The following COL19A1 variants were observed in gnomAD, a reference collection of about 807,000 sequenced individuals.
COL19A1 encodes collagen alpha-1(XIX) chain.
COL19A1 carries 159 observed loss-of-function variants against 190.2 expected under a neutral mutation model. That is an observed-to-expected ratio of 0.84 (90% confidence interval 0.73 to 0.95). The LOEUF (loss-of-function observed/expected upper bound fraction) is 0.95, where lower values mean the gene tolerates loss of function less well. Ranked by LOEUF, COL19A1 falls within the 40% of genes least tolerant of loss-of-function variation. The probability of loss-of-function intolerance (pLI) is 0.00; values close to 1 mark genes in which losing one functional copy is unlikely to be tolerated. For missense variants in COL19A1, 1,418 were observed against 1,431.9 expected, an observed-to-expected ratio of 0.99 and a Z score of 0.16; for synonymous variants, 509 against 458.9, an observed-to-expected ratio of 1.11 and a Z score of -1.39.
chr6:70,206,993 G>A lies in COL19A1; in HGVS notation c.3301+15G>A, dbSNP rs753307178. 130 of 1,612,330 alleles carry A rather than the reference G, an allele frequency of 8.1e-5. No homozygotes were observed. The East Asian group carries it at 2.6e-3, about 33-fold the overall frequency. On this transcript the variant is annotated intron_variant, in intron 50 of 50. Transcript: ENST00000620364. Reference sequence around the variant, plus strand: ...TGGGACTTCAGGTAAGTGGGATATTGTCTTCACAACACAAGCAAGCCTTTA... The same window carrying A: ...TGGGACTTCAGGTAAGTGGGATATTATCTTCACAACACAAGCAAGCCTTTA...
intron 14 of COL19A1, among the ~76,000 whole-genome samples, chr6:70,067,679 C>T (rs1460390839): frequency 2.6e-5 from 4 of 151,924 alleles, no homozygotes; most frequent in Non-Finnish European, 5.9e-5. Context: ...GAAAATGAGA[C>T]AAAAATCTCC....
chr6:69,961,975 T>C (rs1774826465), intron 10 of COL19A1, among the ~76,000 whole-genome samples: 1 of 152,176 alleles, frequency 6.6e-6, no homozygotes, highest in Admixed American at 6.5e-5. Flanking sequence ...TCAGAAACCC[T>C]CTATCTCCTG....
chr6:70,005,264 A>G (rs1777546136), intron 11 of COL19A1, among the ~76,000 whole-genome samples: 1 of 151,894 alleles, frequency 6.6e-6, no homozygotes, highest in African/African-American at 2.4e-5. Flanking sequence ...TTTTTCATTG[A>G]TTGTTTCTCA....
intron 4 of COL19A1, among the ~76,000 whole-genome samples, chr6:69,916,207 A>T (rs1021444396): frequency 6.6e-6 from 1 of 152,204 alleles, no homozygotes; most frequent in Non-Finnish European, 1.5e-5. Flanking sequence ...AAGTGCAGGG[A>T]TTACAGGCGG....
Position 69,915,561 on chromosome 6 carries a change from T to C in COL19A1, c.267-12348T>C, listed in dbSNP as rs527703580. Among the ~76,000 whole-genome samples, 7 of 152,286 alleles carry C rather than the reference T, an allele frequency of 4.6e-5. No individual in the cohort carries two copies. The East Asian group carries it at 9.6e-4, about 21-fold the overall frequency. On this transcript the variant is annotated intron_variant, in intron 4 of 50. Coordinates refer to ENST00000620364, the MANE Select transcript of COL19A1 (RefSeq NM_001858.6). Reference sequence around the variant, plus strand: ...TACTTCACCTTCATTAAGTTAACTTTGTAGATAACAATGGCAGGCCCTGAT... The same window carrying C: ...TACTTCACCTTCATTAAGTTAACTTCGTAGATAACAATGGCAGGCCCTGAT...
At chr6:70,181,596 T>A (rs1766180326) in intron 44 of COL19A1, among the ~76,000 whole-genome samples, 8 of 151,898 alleles carry the variant, frequency 5.3e-5, no homozygotes, top group Admixed American at 5.3e-4. Flanking sequence ...TGCTAGGCAC[T>A]GTTCTAGGTG....
intron 2 of COL19A1, among the ~76,000 whole-genome samples, chr6:69,886,132 T>A (rs1768915097): frequency 6.6e-6 from 1 of 152,072 alleles, no homozygotes. Context: ...AAACTCAATA[T>A]CAGTAAAACA....
At chr6:69,911,209 T>A (rs186819849) in intron 4 of COL19A1, among the ~76,000 whole-genome samples, 21 of 152,332 alleles carry the variant, frequency 1.4e-4, no homozygotes, top group Admixed American at 1.4e-3. Flanking sequence ...TTGTGCCAAC[T>A]GATAAATCAT....
intron 4 of COL19A1, among the ~76,000 whole-genome samples, chr6:69,918,621 A>T (rs1046937007): frequency 2.0e-5 from 3 of 152,106 alleles, no homozygotes; most frequent in African/African-American, 7.2e-5. Context: ...TGGGAGGATC[A>T]CTTGAGCCTG....
At chr6:70,197,315 C>G (rs1416284872) in intron 48 of COL19A1, among the ~76,000 whole-genome samples, 1 of 151,424 alleles carries the variant, frequency 6.6e-6, no homozygotes, top group Non-Finnish European at 1.5e-5. Context: ...CCCAGCTACT[C>G]GGGAGGCTGA....
At chr6:69,870,879 T>G (rs1444663113) in intron 1 of COL19A1, among the ~76,000 whole-genome samples, 1 of 152,220 alleles carries the variant, frequency 6.6e-6, no homozygotes, top group Non-Finnish European at 1.5e-5. Flanking sequence ...AAAAGACGTT[T>G]ACAAATAGAT....
At chr6:69,876,645 A>G (rs1034803642) in intron 1 of COL19A1, among the ~76,000 whole-genome samples, 11 of 152,232 alleles carry the variant, frequency 7.2e-5, no homozygotes, top group African/African-American at 2.7e-4. Flanking sequence ...AGCAGAGTCC[A>G]GACATGAAGC....
chr6:70,129,324 A>G (rs1328100506), intron 17 of COL19A1, among the ~76,000 whole-genome samples: 6 of 152,238 alleles, frequency 3.9e-5, no homozygotes, highest in African/African-American at 1.4e-4. Flanking sequence ...GAGAAAGAGA[A>G]GTGTTAAAGA....
intron 16 of COL19A1, among the ~76,000 whole-genome samples, chr6:70,120,669 A>C (rs912705581): frequency 6.6e-6 from 1 of 152,182 alleles, no homozygotes; most frequent in Non-Finnish European, 1.5e-5. Context: ...AATCATAGGC[A>C]ACACCATTAC....
intron 44 of COL19A1, 148 bp downstream of exon 44, chr6:70,180,671 CAGG>C: frequency 1.3e-6 from 1 of 771,156 alleles, no homozygotes; most frequent in Non-Finnish European, 2.2e-6. Flanking sequence ...ATGGCAAGGG[CAGG>C]AGTTCTTATT....
chr6:69,913,149 G>A (rs13198152), intron 4 of COL19A1, among the ~76,000 whole-genome samples: 234 of 152,216 alleles, frequency 1.5e-3, no homozygotes, highest in Non-Finnish European at 2.4e-3. Context: ...CCTCAAGTTT[G>A]CCTCTCTCTT....
chr6:70,145,284 A>G (rs1786550435), intron 25 of COL19A1, among the ~76,000 whole-genome samples: 2 of 152,148 alleles, frequency 1.3e-5, no homozygotes, highest in African/African-American at 4.8e-5. Context: ...CTACATGCCC[A>G]TCTACAATAG....
chr6:69,880,606 C>T (rs569246443), intron 2 of COL19A1, among the ~76,000 whole-genome samples: 6 of 152,250 alleles, frequency 3.9e-5, no homozygotes, highest in African/African-American at 1.4e-4. Context: ...TCTAACACAT[C>T]GTAGTCTTTC....
intron 36 of COL19A1, among the ~76,000 whole-genome samples, chr6:70,163,724 C>T (rs1313954335): frequency 6.6e-6 from 1 of 152,122 alleles, no homozygotes; most frequent in African/African-American, 2.4e-5. Context: ...TGGTGTCTAC[C>T]AGGGAGTTCC....
Sources: allele counts gnomAD v4.1 joint callset (sites outside exome capture counted in the v4.1 genomes callset), GRCh38; gene constraint gnomAD v4.1.1; transcripts MANE v1.5; gene names NCBI Gene and HGNC (gene_info 2026-07-23, HGNC 2026-07-21).